Variants in RUSC1 observed in about 807,000 individuals in gnomAD.
RUSC1 encodes RUN and SH3 domain containing 1, also known as AP-4 complex accessory subunit RUSC1.
RUSC1 carries 40 observed loss-of-function variants against 72.1 expected under a neutral mutation model. The ratio of observed to expected loss-of-function variants is 0.55; its 90% CI spans 0.43 to 0.72. The LOEUF (loss-of-function observed/expected upper bound fraction) is 0.72. Ranked by LOEUF, RUSC1 falls within the 30% of genes least tolerant of loss-of-function variation. RUSC1 has a pLI of 0.00. For synonymous variants in RUSC1, 512 were observed against 494.2 expected (o/e 1.04, Z -0.48); for missense variants, 1,092 against 1,172.3 (o/e 0.93, Z 1.00).
intron 9 of RUSC1, among the ~76,000 whole-genome samples, chr1:155,328,845 G>A (rs1315679579): frequency 2.0e-5 from 3 of 152,022 alleles, no homozygotes; most frequent in Non-Finnish European, 2.9e-5. Context: ...TGATCCGCCC[G>A]CCTTGGCCTC....
Position 155,325,235 on chromosome 1 carries a change from G to T in RUSC1, c.1533+57G>T, listed in dbSNP as rs2148275974. The T allele has an allele frequency of 4.3e-6, 7 of 1,612,960 alleles. No individual in the cohort carries two copies. The highest frequency in any genetic ancestry group is 5.9e-6 in the Non-Finnish European group (7 of 1,179,958). On this transcript the variant is annotated intron_variant, in intron 4 of 9. Coordinates refer to ENST00000368352, the MANE Select transcript of RUSC1 (RefSeq NM_001105203.2). The surrounding 1 kb of genome is among the most constrained non-coding windows in gnomAD (Gnocchi z 6.5). ...GAGGAGAGTAATGGAGCTCCGCGGGGGGTGCGGGAATGGTTGGCGGGAGGT... is the reference window on the plus strand; with the variant it reads ...GAGGAGAGTAATGGAGCTCCGCGGGTGGTGCGGGAATGGTTGGCGGGAGGT...
chr1:155,324,344 T>C, intron 2 of RUSC1: 1 of 1,600,640 alleles, frequency 6.2e-7, no homozygotes, highest in Non-Finnish European at 8.5e-7. Context: ...TTCCGGCGCC[T>C]TCCAGCCTCC....
In RUSC1 at chr1:155,322,555, A is replaced by G. The variant is rs1650691215; in HGVS notation, c.782A>G (p.Asn261Ser). 1.2e-6 allele frequency: 2 copies of G among 1,614,132 alleles called. No individual in the cohort carries two copies. The highest frequency in any genetic ancestry group is 3.3e-5 in the Admixed American group (2 of 60,008). Residue 261 changes from asparagine to serine, a missense_variant, in exon 2 of 10, where the codon AAT becomes AGT. Asn to Ser is a conservative substitution (Grantham distance 46). Coordinates refer to ENST00000368352, the MANE Select transcript of RUSC1 (RefSeq NM_001105203.2). ...NNNTGWKNNG[N>S]VNSSWKSEPE... ...AACACTGGTTGGAAAAACAACGGGAATGTTAACTCTAGCTGGAAAAGTGAA... is the reference window on the plus strand; with the variant it reads ...AACACTGGTTGGAAAAACAACGGGAGTGTTAACTCTAGCTGGAAAAGTGAA...
At chr1:155,328,746 A>G (rs528013811) in intron 9 of RUSC1, among the ~76,000 whole-genome samples, 2 of 151,744 alleles carry the variant, frequency 1.3e-5, no homozygotes, top group South Asian at 4.2e-4. Context: ...TTACAGGCAC[A>G]TGCCGCCACG....
chr1:155,324,457 T>A, intron 2 of RUSC1: 1 of 1,612,430 alleles, frequency 6.2e-7, no homozygotes, highest in South Asian at 1.1e-5. Context: ...CAGGCAGGAC[T>A]GGGCCCCGGG....
chr1:155,328,840 C>T (rs531644920), intron 9 of RUSC1, among the ~76,000 whole-genome samples: 4 of 152,230 alleles, frequency 2.6e-5, no homozygotes, highest in East Asian at 3.9e-4. Flanking sequence ...CCTCGTGATC[C>T]GCCCGCCTTG....
intron 9 of RUSC1, 78 bp downstream of exon 9, chr1:155,328,353 A>AC (rs1460375148): frequency 7.0e-7 from 1 of 1,421,380 alleles, no homozygotes; most frequent in Non-Finnish European, 9.3e-7. Flanking sequence ...AGTGTAAAAA[A>AC]CCCTGGGCTT....
At position 155,325,445 on chromosome 1, in the gene RUSC1, C is replaced by A. The variant is rs1651252895; in HGVS notation, c.1663C>A (p.Arg555Ser). 1.9e-6 allele frequency: 3 copies of A among 1,592,366 alleles called. No individual in the cohort carries two copies. The highest frequency in any genetic ancestry group is 1.1e-5 in the South Asian group (1 of 89,482). ...CCGGAAGGACCTCATCACCGGGCAG[C>A]GCAGGAGCAGCCCCTGGAGCGTGGT... The part of the protein sequence containing the change: ...PFRKDLITGQ[R>S]RSSPWSVVEA... Residue 555 changes from arginine to serine, a missense_variant, in exon 5 of 10, where the codon CGC (arginine) becomes AGC (serine). Transcript: ENST00000368352. This position sits in a 1 kb window ranked among gnomAD's most constrained non-coding sequence, Gnocchi z 6.5.
intron 2 of RUSC1, chr1:155,324,592 G>A: frequency 6.4e-7 from 1 of 1,560,144 alleles, no homozygotes; most frequent in Non-Finnish European, 8.6e-7. Context: ...CTGGAGGTGG[G>A]GGCTGTGCCC....
chr1:155,323,472 T>G lies in RUSC1; in HGVS notation c.1357+342T>G, dbSNP rs1449340397. ...CCGACGGGCGCCCCCTGTTGGAGGG[T>G]GGGGGCGCAGGCGCAGCTGGGTCTC... On this transcript the variant is annotated intron_variant, in intron 2 of 9. Transcript: ENST00000368352. 4 of 195,312 alleles carry G rather than the reference T, an allele frequency of 2.0e-5. No homozygotes were observed. The East Asian group carries it at 4.4e-4, about 21-fold the overall frequency. 12.1% of individuals were successfully genotyped at this position (195,312 alleles called of 1,614,324 possible).
At chr1:155,328,011 C>T in intron 8 of RUSC1, 139 bp from the exon 9 acceptor site, 1 of 1,090,146 alleles carries the variant, frequency 9.2e-7, no homozygotes, top group Non-Finnish European at 1.3e-6. Flanking sequence ...ATAATGAACA[C>T]TCTGCCCTCA....
At position 155,323,144 on chromosome 1, in the gene RUSC1, A is replaced by G. The variant is rs1373733557; in HGVS notation, c.1357+14A>G. ...CCGGCCTGGAGGGTAAGAGGTCGCAAGAAGCGGGAGGAGGGCTGGGCTTCG... is the reference window on the plus strand; with the variant it reads ...CCGGCCTGGAGGGTAAGAGGTCGCAGGAAGCGGGAGGAGGGCTGGGCTTCG... On this transcript the variant is annotated intron_variant, in intron 2 of 9. Coordinates refer to ENST00000368352, the MANE Select transcript of RUSC1 (RefSeq NM_001105203.2). 4 of 1,402,048 alleles carry G rather than the reference A, an allele frequency of 2.9e-6. No homozygotes were observed. Among genetic ancestry groups the G allele is most frequent in the Admixed American group, 6.5e-5 (2 of 30,782 alleles). The allele number at this position is 1,402,048 out of a possible 1,614,324, so 86.9% of individuals were successfully genotyped here.
chr1:155,328,676 T>C (rs1407569321), intron 9 of RUSC1, among the ~76,000 whole-genome samples: 2 of 152,044 alleles, frequency 1.3e-5, no homozygotes, highest in Non-Finnish European at 2.9e-5. Context: ...CTCGGCTCAC[T>C]GCAATCTCCG....
At position 155,325,391 on chromosome 1, in the gene RUSC1, GC is replaced by G; in HGVS notation, c.1612del (p.Leu538TrpfsTer6). 6.3e-7 allele frequency: 1 copy of G among 1,593,442 alleles called. No individual in the cohort carries two copies. Among genetic ancestry groups the G allele is most frequent in the Non-Finnish European group, 8.5e-7 (1 of 1,174,174 alleles). ...VLTTLCPALH[A>X]LVADGLKPFR... is the part of the protein sequence containing the mutation. Reference sequence around the variant, plus strand: ...GACCACCCTCTGCCCGGCCCTCCACGCCCTGGTGGCGGACGGGCTGAAGCCT... The same window carrying G: ...GACCACCCTCTGCCCGGCCCTCCACGCCTGGTGGCGGACGGGCTGAAGCCT... On this transcript the variant is annotated frameshift_variant, in exon 5 of 10. Coordinates refer to ENST00000368352, the MANE Select transcript of RUSC1 (RefSeq NM_001105203.2). LOFTEE classifies it high-confidence loss of function. This position sits in a 1 kb window ranked among gnomAD's most constrained non-coding sequence, Gnocchi z 6.5.
chr1:155,324,665 G>T (rs1570897907), intron 2 of RUSC1, 180 bp from the exon 3 acceptor site: 1 of 1,533,560 alleles, frequency 6.5e-7, no homozygotes, highest in South Asian at 1.2e-5. Context: ...AAGTGTGCGA[G>T]ATTTCACTCC....
At chr1:155,328,885 A>G (rs1429375940) in intron 9 of RUSC1, among the ~76,000 whole-genome samples, 9 of 152,106 alleles carry the variant, frequency 5.9e-5, no homozygotes, top group Admixed American at 3.3e-4. Flanking sequence ...GGCGTGAGCC[A>G]CTGTGCCCAG....
chr1:155,326,752 C>A lies in RUSC1; in HGVS notation c.2034C>A (p.Ala678=). The A allele has an allele frequency of 1.2e-6, 2 of 1,613,178 alleles. No homozygotes were observed. Among genetic ancestry groups the A allele is most frequent in the Non-Finnish European group, 1.7e-6 (2 of 1,180,038 alleles). The change falls in exon 8 of 10, where the codon GCC becomes GCA. Residue 678 remains alanine (A), a synonymous_variant. Transcript: ENST00000368352. This position sits in a 1 kb window ranked among gnomAD's most constrained non-coding sequence, Gnocchi z 4.7. The part of the protein sequence containing the change: ...HHHLPLGPPQ[A]PAPPGPPPAL... ...ACCTGCCCCTGGGCCCACCTCAGGC[C>A]CCTGCCCCTCCAGGCCCACCTCCAG...
chr1:155,330,681 C>A lies in RUSC1; in HGVS notation c.*110C>A. 2 of 1,081,834 alleles carry A rather than the reference C, an allele frequency of 1.8e-6. No homozygotes were observed. The highest frequency in any genetic ancestry group is 2.7e-5 in the East Asian group (1 of 36,422). The allele number at this position is 1,081,834 out of a possible 1,614,324, so 67.0% of individuals were successfully genotyped here. A position where few individuals can be genotyped will look rare whatever the true frequency, so the allele number is the denominator to read the frequency against. ...CCCTCTGCAAAATGACGTTTCTTCC[C>A]ACGTCTGTTTCTGCTAATATTTAAA... is the stretch of plus-strand genomic sequence containing the variant. On this transcript the variant is annotated 3_prime_UTR_variant, in exon 10 of 10. Transcript: ENST00000368352.
At position 155,320,944 on chromosome 1, in the gene RUSC1, G is replaced by T; in HGVS notation, c.-134G>T. The T allele has an allele frequency of 6.4e-7, 1 of 1,567,162 alleles. No homozygotes were observed. ...CTGTGCCCCGCCGGGCGGGGACCGT[G>T]GGAGCCGCGGACAAGCCCAAGGCCG... On this transcript the variant is annotated 5_prime_UTR_variant, in exon 1 of 10. Coordinates refer to ENST00000368352, the MANE Select transcript of RUSC1 (RefSeq NM_001105203.2).
Sources: allele counts gnomAD v4.1 joint callset (sites outside exome capture counted in the v4.1 genomes callset), GRCh38; gene constraint gnomAD v4.1.1; non-coding constraint Gnocchi (gnomAD v3.1); transcripts MANE v1.5; gene names NCBI Gene and HGNC (gene_info 2026-07-23, HGNC 2026-07-21).